Variants in DHX37 observed in about 807,000 individuals in gnomAD.
DHX37 encodes probable ATP-dependent RNA helicase DHX37.
In DHX37, 52 loss-of-function variants were observed where a neutral mutation model predicts 134.3. The ratio of observed to expected loss-of-function variants is 0.39; its 90% CI spans 0.31 to 0.49. The LOEUF is 0.49. DHX37 is among the 20% of genes least tolerant of loss of function. The pLI, the probability that DHX37 is intolerant of heterozygous loss-of-function variation, is 0.93. For synonymous variants in DHX37, 634 were observed against 670.7 expected (o/e 0.95, Z 0.85); for missense variants, 1,344 against 1,580.8 (o/e 0.85, Z 2.54).
At chr12:124,952,621 C>T in intron 20 of DHX37, 51 bp from the exon 21 acceptor site, 1 of 1,516,252 alleles carries the variant, frequency 6.6e-7, no homozygotes, top group Non-Finnish European at 8.9e-7. Flanking sequence ...CCGGAGCCAG[C>T]TCTGCCCTGA....
chr12:124,986,086 T>C lies in DHX37; in HGVS notation c.276+10A>G. The C allele has an allele frequency of 6.2e-7, 1 of 1,612,950 alleles. No individual in the cohort carries two copies. The highest frequency in any genetic ancestry group is 8.5e-7 in the Non-Finnish European group (1 of 1,179,830). On this transcript the variant is annotated intron_variant, in intron 2 of 26. Transcript: ENST00000308736. ...GAGCCACTTGCAGACCCTGCCCGAGTGGGGTGTACCTGGCTCTTTTTCTCC... is the reference window on the plus strand; with the variant it reads ...GAGCCACTTGCAGACCCTGCCCGAGCGGGGTGTACCTGGCTCTTTTTCTCC...
At chr12:124,966,645 T>C in intron 12 of DHX37, 148 bp downstream of exon 12, 1 of 801,614 alleles carries the variant, frequency 1.2e-6, no homozygotes, top group Non-Finnish European at 2.0e-6. Context: ...ATTACAGGCA[T>C]GAGCCACTGT....
At chr12:124,984,019 T>C (rs1056573906) in intron 2 of DHX37, among the ~76,000 whole-genome samples, 1 of 152,134 alleles carries the variant, frequency 6.6e-6, no homozygotes, top group African/African-American at 2.4e-5. Flanking sequence ...TAAGTTTTTG[T>C]TTTTCTGTGC....
intron 12 of DHX37, 116 bp from the exon 13 acceptor site, chr12:124,965,928 T>G: frequency 7.4e-7 from 1 of 1,342,394 alleles, no homozygotes; most frequent in Non-Finnish European, 1.0e-6. Flanking sequence ...CCATGGGCCA[T>G]GCAACCCGGG....
At chr12:124,986,321 C>T in intron 1 of DHX37, 56 bp from the exon 2 acceptor site, 2 of 1,587,660 alleles carry the variant, frequency 1.3e-6, no homozygotes, top group South Asian at 1.1e-5. Flanking sequence ...CTGGTCCCGC[C>T]TCCCACAAGC....
chr12:124,987,027 G>A (rs1036719420), intron 1 of DHX37, among the ~76,000 whole-genome samples: 3 of 152,094 alleles, frequency 2.0e-5, no homozygotes, highest in East Asian at 3.9e-4. Flanking sequence ...GATTACAGGC[G>A]TGAGCCACTG....
Position 124,976,346 on chromosome 12 carries a change from G to A in DHX37, c.888-835C>T, listed in dbSNP as rs757523797. 6.1e-4 allele frequency among the ~76,000 whole-genome samples: 93 copies of A among 152,230 alleles called. 1 individual carries two copies. Among genetic ancestry groups the A allele is most frequent in the Non-Finnish European group, 1.1e-3 (73 of 68,042 alleles). On this transcript the variant is annotated intron_variant, in intron 5 of 26. Coordinates refer to ENST00000308736, the MANE Select transcript of DHX37 (RefSeq NM_032656.4). ...TCCTGGGAGTCCCCGGTCAATCACC[G>A]AACCTGAGCATGGTCTTGGGGACCC... is the stretch of plus-strand genomic sequence containing the variant.
Position 124,953,991 on chromosome 12 carries a change from C to T in DHX37, c.2584G>A (p.Val862Met), listed in dbSNP as rs748058922. The T allele has an allele frequency of 1.9e-5, 30 of 1,613,550 alleles. No individual in the cohort carries two copies. The highest frequency in any genetic ancestry group is 1.7e-4 in the Admixed American group (10 of 59,996). The change falls in exon 20 of 27, where the codon GTG (valine) becomes ATG (methionine). Residue 862 changes from valine to methionine, a missense_variant. Val to Met is a conservative substitution (Grantham distance 21, BLOSUM62 1). This residue lies in a region of DHX37 where 558 missense variants were observed against 650.0 expected (regional missense o/e 0.86). Coordinates refer to ENST00000308736, the MANE Select transcript of DHX37 (RefSeq NM_032656.4). ...LGDLMVLLGA[V>M]GACEYASCTP... ...CAGCTGGCATACTCACAGGCTCCCA[C>T]GGCGCCTGGGGAACGAAGAGGGGGC...
chr12:124,976,612 G>C (rs1397154626), intron 5 of DHX37, among the ~76,000 whole-genome samples: 1 of 152,032 alleles, frequency 6.6e-6, no homozygotes, highest in Non-Finnish European at 1.5e-5. Flanking sequence ...GGCGGATCAC[G>C]AGGTCAGGAG....
intron 15 of DHX37, 149 bp downstream of exon 15, chr12:124,964,245 A>C: frequency 8.6e-7 from 1 of 1,168,146 alleles, no homozygotes; most frequent in Non-Finnish European, 1.2e-6. Flanking sequence ...AGCCAGCAAA[A>C]GGGCTGGGGA....
At chr12:124,987,742 T>A (rs1386985627) in intron 1 of DHX37, among the ~76,000 whole-genome samples, 4 of 152,154 alleles carry the variant, frequency 2.6e-5, no homozygotes, top group Non-Finnish European at 5.9e-5. Flanking sequence ...ACCAGACCTG[T>A]TTTAGCTTTA....
chr12:124,961,340 A>G (rs1954260754), intron 15 of DHX37, among the ~76,000 whole-genome samples: 1 of 152,228 alleles, frequency 6.6e-6, no homozygotes, highest in African/African-American at 2.4e-5. Flanking sequence ...GCACGCACAC[A>G]CACACACAAT....
At position 124,952,521 on chromosome 12, in the gene DHX37, C is replaced by T; in HGVS notation, c.2745G>A (p.Gln915=). 1 of 1,597,034 alleles carries T rather than the reference C, an allele frequency of 6.3e-7. No homozygotes were observed. The highest frequency in any genetic ancestry group is 8.5e-7 in the Non-Finnish European group (1 of 1,170,708). The change falls in exon 21 of 27, where the codon CAG becomes CAA. Residue 915 remains glutamine (Q), a synonymous_variant. Coordinates refer to ENST00000308736, the MANE Select transcript of DHX37 (RefSeq NM_032656.4). ...EAELFVDPKM[Q]PPTESQVTYL... is the part of the protein sequence containing the mutation. Reference sequence around the variant, plus strand: ...AGGTCACCTGGCTCTCGGTGGGCGGCTGCATCTTGGGATCCACGAAGAGCT... The same window carrying T: ...AGGTCACCTGGCTCTCGGTGGGCGGTTGCATCTTGGGATCCACGAAGAGCT...
In DHX37 at chr12:124,964,536, C is replaced by T. The variant is rs756319573; in HGVS notation, c.1903G>A (p.Val635Met). 8.7e-6 allele frequency: 14 copies of T among 1,613,758 alleles called. No individual in the cohort carries two copies. Among genetic ancestry groups the T allele is most frequent in the African/African-American group, 1.3e-5 (1 of 74,944 alleles). The part of the protein sequence containing the change: ...TSLTIPGIKY[V>M]VDCGKVKKRY... ...TTCTTGACCTTCCCACAGTCCACCA[C>T]GTACTTGATGCCAGGGATGGTAAGC... The change falls in exon 15 of 27, where the codon GTG becomes ATG. Residue 635 changes from valine to methionine, a missense_variant. Physicochemically the swap from Val to Met is conservative, Grantham distance 21 (BLOSUM62 1). This residue lies in a region of DHX37 where 39 missense variants were observed against 87.9 expected (regional missense o/e 0.44). Coordinates refer to ENST00000308736, the MANE Select transcript of DHX37 (RefSeq NM_032656.4).
chr12:124,953,705 T>G, intron 20 of DHX37, 175 bp downstream of exon 20: 1 of 1,162,230 alleles, frequency 8.6e-7, no homozygotes, highest in Non-Finnish European at 1.2e-6. Context: ...CCTGCTCATG[T>G]GCACATTCCC....
At position 124,975,330 on chromosome 12, in the gene DHX37, G is replaced by C. The variant is rs897937978; in HGVS notation, c.980+89C>G. Reference sequence around the variant, plus strand: ...CACTCCACCCAGCACCCTCGGCACAGATGCTGCTCACCTCCTCCTGGGCTT... The same window carrying C: ...CACTCCACCCAGCACCCTCGGCACACATGCTGCTCACCTCCTCCTGGGCTT... On this transcript the variant is annotated intron_variant, in intron 6 of 26. Transcript: ENST00000308736. 5.9e-6 allele frequency: 8 copies of C among 1,357,854 alleles called. No homozygotes were observed. The Admixed American group carries it at 1.4e-4, about 24-fold the overall frequency. The allele number at this position is 1,357,854 out of a possible 1,614,324, so 84.1% of individuals were successfully genotyped here.
At chr12:124,984,232 G>A (rs546024077) in intron 2 of DHX37, among the ~76,000 whole-genome samples, 1 of 152,282 alleles carries the variant, frequency 6.6e-6, no homozygotes, top group East Asian at 1.9e-4. Flanking sequence ...AGAGGAGCAT[G>A]TTTAAAATAA....
rs1954207691 is a variant in DHX37 at position 124,960,317 on chromosome 12, C to T, written c.2152G>A (p.Glu718Lys). 6.2e-7 allele frequency: 1 copy of T among 1,612,642 alleles called. No individual in the cohort carries two copies. Among genetic ancestry groups the T allele is most frequent in the Admixed American group, 1.7e-5 (1 of 59,970 alleles). Residue 718 changes from glutamate (E) to lysine (K), a missense_variant, in exon 16 of 27, where the codon GAA (glutamate) becomes AAA (lysine). By Grantham distance (56) the Glu-to-Lys change is moderately conservative. Coordinates refer to ENST00000308736, the MANE Select transcript of DHX37 (RefSeq NM_032656.4). ...LILQMKALNV[E>K]KVINFPFPTP... ...GGCTGGGGGCAGCAACTGACCTTTT[C>T]AACGTTGAGCGCCTTCATTTGAAGG...
Position 124,967,106 on chromosome 12 carries a change from C to G in DHX37, c.1504+17G>C, listed in dbSNP as rs762871439. The G allele has an allele frequency of 6.2e-7, 1 of 1,612,520 alleles. No individual in the cohort carries two copies. Among genetic ancestry groups the G allele is most frequent in the South Asian group, 1.1e-5 (1 of 90,908 alleles). ...CAGCTGCTCAGGGCAGAGTGCTGGT[C>G]GGGGCGTCCTCTTTACCTTGTGGCC... is the stretch of plus-strand genomic sequence containing the variant. On this transcript the variant is annotated intron_variant, in intron 11 of 26. Coordinates refer to ENST00000308736, the MANE Select transcript of DHX37 (RefSeq NM_032656.4).
Sources: allele counts gnomAD v4.1 joint callset (sites outside exome capture counted in the v4.1 genomes callset), GRCh38; gene constraint gnomAD v4.1.1; regional missense constraint gnomAD v4.1.1; transcripts MANE v1.5; gene names NCBI Gene and HGNC (gene_info 2026-07-23, HGNC 2026-07-21).